Variants in ENKUR observed in about 807,000 individuals in gnomAD.
ENKUR encodes enkurin.
A neutral mutation model predicts 27.6 loss-of-function variants in ENKUR; 19 were observed. That is an observed-to-expected ratio of 0.69 (90% CI 0.48 to 1.01). ENKUR has a LOEUF of 1.01. Ranked by LOEUF, ENKUR falls within the 50% of genes least tolerant of loss-of-function variation. ENKUR has a pLI of 0.00. For synonymous variants in ENKUR, 117 were observed against 96.9 expected (o/e 1.21, Z -1.22); for missense variants, 312 against 310.5 (o/e 1.00, Z -0.04).
rs1054891197 is a variant in ENKUR, at chr10:24,983,692, T to A, written c.*678A>T. The A allele has an allele frequency of 6.6e-6, 1 of 152,186 alleles. No homozygotes were observed. The highest frequency in any genetic ancestry group is 6.5e-5 in the Admixed American group (1 of 15,270). The allele number at this position is 152,186 out of a possible 1,614,324, so 9.4% of individuals were successfully genotyped here. ...ATAAGGCTTCCAAATTCTGTGTTTG[T>A]GAAAAAAGCCTGAAAGACTCCCATA... is the stretch of plus-strand genomic sequence containing the variant. On this transcript the variant is annotated 3_prime_UTR_variant, in exon 6 of 6. Transcript: ENST00000331161.
intron 1 of ENKUR, among the ~76,000 whole-genome samples, chr10:25,004,178 T>C (rs1407690449): frequency 6.6e-6 from 1 of 152,240 alleles, no homozygotes; most frequent in African/African-American, 2.4e-5. Flanking sequence ...AGTCTATCAC[T>C]GATGGGCATT....
At chr10:25,004,219 A>C (rs1850259291) in intron 1 of ENKUR, among the ~76,000 whole-genome samples, 1 of 152,174 alleles carries the variant, frequency 6.6e-6, no homozygotes, top group Non-Finnish European at 1.5e-5. Flanking sequence ...GCTACTGTGA[A>C]TAGTGCTGCA....
intron 2 of ENKUR, among the ~76,000 whole-genome samples, chr10:25,043,612 G>T (rs1851088733): frequency 6.6e-6 from 1 of 151,930 alleles, no homozygotes; most frequent in Non-Finnish European, 1.5e-5. Context: ...GAGCTTCCTG[G>T]ATCTACAGGC....
chr10:25,032,647 G>A lies in ENKUR; in HGVS notation c.37+28465C>T, dbSNP rs535068226. 3.9e-5 allele frequency among the ~76,000 whole-genome samples: 6 copies of A among 152,120 alleles called. No individual in the cohort carries two copies. In the South Asian group the frequency reaches 1.0e-3, roughly 26 times the overall value. On this transcript the variant is annotated intron_variant, in intron 2 of 5. Transcript: ENST00000615958. The stretch of plus-strand genomic sequence containing the variant: ...TCTTGAACTATTTTAGGGTCTTGAC[G>A]TCCTAATCAGCCAAATTTTGAAGTT...
chr10:25,029,660 T>C (rs976019365), intron 2 of ENKUR, among the ~76,000 whole-genome samples: 1 of 152,198 alleles, frequency 6.6e-6, no homozygotes, highest in African/African-American at 2.4e-5. Flanking sequence ...GTAGTTTGTG[T>C]AGGCCTCATC....
chr10:24,998,273 TTTTTC>T (rs748422124), intron 2 of ENKUR, among the ~76,000 whole-genome samples: 96 of 151,996 alleles, frequency 6.3e-4, no homozygotes, highest in African/African-American at 1.3e-3. Context: ...ACTCGTTTCT[TTTTTC>T]TTTTCTTTTC....
intron 2 of ENKUR, among the ~76,000 whole-genome samples, chr10:25,059,114 C>T (rs1283915736): frequency 6.7e-6 from 1 of 149,460 alleles, no homozygotes; most frequent in Non-Finnish European, 1.5e-5. Flanking sequence ...TTGTTTTGCC[C>T]TAATATTCTT....
chr10:25,061,662 A>G (rs2130504647), intron 1 of ENKUR, among the ~76,000 whole-genome samples: 1 of 152,148 alleles, frequency 6.6e-6, no homozygotes, highest in South Asian at 2.1e-4. Flanking sequence ...TTTTCCAACA[A>G]CCCCTTTCTT....
chr10:25,022,737 A>C (rs919597867), intron 2 of ENKUR, among the ~76,000 whole-genome samples: 2 of 152,204 alleles, frequency 1.3e-5, no homozygotes, highest in Non-Finnish European at 2.9e-5. Flanking sequence ...AACTTTTGTG[A>C]ATTGCAAGTA....
At chr10:25,054,683 ATTT>A (rs767687459) in intron 2 of ENKUR, among the ~76,000 whole-genome samples, 2 of 136,090 alleles carry the variant, frequency 1.5e-5, no homozygotes, top group Non-Finnish European at 1.6e-5. Context: ...TGGGCGATTA[ATTT>A]TTTTTTTTTT....
intron 2 of ENKUR, among the ~76,000 whole-genome samples, chr10:25,045,516 T>C (rs954364000): frequency 5.9e-5 from 9 of 152,186 alleles, no homozygotes; most frequent in African/African-American, 2.2e-4. Context: ...TATATTAGCA[T>C]AAAAATATAA....
intron 1 of ENKUR, among the ~76,000 whole-genome samples, chr10:25,006,777 C>A (rs1270808798): frequency 6.6e-6 from 1 of 152,114 alleles, no homozygotes; most frequent in African/African-American, 2.4e-5. Flanking sequence ...CTGTCTCAGG[C>A]TAAAAGAACT....
rs181839653 is a variant in ENKUR at position 25,014,641 on chromosome 10, T to C, written c.77+1219A>G. Among the ~76,000 whole-genome samples, 464 of 152,356 alleles carry C rather than the reference T, an allele frequency of 3.0e-3. 2 individuals carry two copies. Among genetic ancestry groups the C allele is most frequent in the African/African-American group, 0.011 (455 of 41,584 alleles). ...AGAAATACAATCTACCAATCTGTTA[T>C]AGAGGAGTTTTATCTCATGTAATAT... On this transcript the variant is annotated intron_variant, in intron 1 of 5. Coordinates refer to ENST00000331161, the MANE Select transcript of ENKUR (RefSeq NM_145010.4).
upstream of ENKUR, among the ~76,000 whole-genome samples, chr10:25,020,687 G>A (rs1399770246): frequency 2.0e-5 from 3 of 151,450 alleles, no homozygotes; most frequent in East Asian, 3.9e-4. Context: ...GCTGCAGTGA[G>A]CTGAGATCAT....
chr10:25,024,207 T>C, intron 2 of ENKUR: 1 of 1,614,196 alleles, frequency 6.2e-7, no homozygotes, highest in Non-Finnish European at 8.5e-7. Flanking sequence ...CAAAAATTGC[T>C]CCTGTCAGGC....
chr10:25,055,086 C>T (rs1231932008), intron 2 of ENKUR, among the ~76,000 whole-genome samples: 1 of 152,146 alleles, frequency 6.6e-6, no homozygotes, highest in Non-Finnish European at 1.5e-5. Context: ...ACATCTAAAT[C>T]TTTTAATTCC....
rs529145571 is a variant in ENKUR, at chr10:25,004,177, C to T, written c.78-4631G>A. ...CACCTTTTCTTTATCCAGTCTATCA[C>T]TGATGGGCATTTAGGTTGATTCCAT... On this transcript the variant is annotated intron_variant, in intron 1 of 5. Transcript: ENST00000331161. Among the ~76,000 whole-genome samples the T allele has an allele frequency of 3.3e-5, 5 of 152,298 alleles. No homozygotes were observed. The South Asian group carries it at 1.0e-3, about 32-fold the overall frequency.
chr10:25,018,985 T>G (rs950297750), upstream of ENKUR, among the ~76,000 whole-genome samples: 1 of 152,162 alleles, frequency 6.6e-6, no homozygotes, highest in Non-Finnish European at 1.5e-5. Flanking sequence ...GATTGTGTGG[T>G]CCTTCCACCC....
At chr10:25,008,058 G>A (rs929246977) in intron 1 of ENKUR, among the ~76,000 whole-genome samples, 2 of 150,708 alleles carry the variant, frequency 1.3e-5, no homozygotes, top group African/African-American at 4.9e-5. Flanking sequence ...TGGACAAAAT[G>A]TAAGAGATGA....
Sources: gnomAD v4.1 joint callset for allele counts (sites outside exome capture counted in the v4.1 genomes callset) on GRCh38, gnomAD v4.1.1 for gene constraint, MANE v1.5 for transcripts, NCBI Gene and HGNC (gene_info 2026-07-23, HGNC 2026-07-21) for gene names.